CACNA1A: variants seen among roughly 807,000 people sequenced by gnomAD.
CACNA1A encodes the protein calcium voltage-gated channel subunit alpha1 A, also known as voltage-dependent P/Q-type calcium channel subunit alpha-1A.
Under a neutral mutation model 262.4 loss-of-function variants are expected in CACNA1A, and 57 were observed. The observed-to-expected ratio is 0.22, with a 90% CI of 0.18 to 0.27. The LOEUF (loss-of-function observed/expected upper bound fraction) is 0.27, where lower values mean the gene tolerates loss of function less well. Ranked by LOEUF, CACNA1A falls within the 10% of genes least tolerant of loss-of-function variation. The pLI is 1.00. For synonymous variants in CACNA1A, 1,431 were observed against 1,419.3 expected (o/e 1.01, Z -0.18); for missense variants, 2,526 against 3,562.8 (o/e 0.71, Z 7.41).
At chr19:13,470,493 A>G (rs1303070020) in intron 1 of CACNA1A, among the ~76,000 whole-genome samples, 1 of 151,836 alleles carries the variant, frequency 6.6e-6, no homozygotes. Context: ...TTTCTATCCA[A>G]TCTCTAAATG....
chr19:13,284,252 T>G (rs35810891), intron 21 of CACNA1A: 1 of 152,056 alleles, frequency 6.6e-6, no homozygotes, highest in Non-Finnish European at 1.5e-5. Context: ...TTAAAAAAAA[T>G]TTTAAGGCAC....
intron 3 of CACNA1A, among the ~76,000 whole-genome samples, chr19:13,410,722 A>C (rs557369017): frequency 6.6e-6 from 1 of 152,106 alleles, no homozygotes; most frequent in South Asian, 2.1e-4. Context: ...TCAGGTCACG[A>C]AAGATCTCCA....
intron 3 of CACNA1A, among the ~76,000 whole-genome samples, chr19:13,413,100 GTTTTTTTTTTTTGT>G (rs1568620448): frequency 8.7e-6 from 1 of 114,772 alleles, no homozygotes; most frequent in African/African-American, 5.9e-5. Flanking sequence ...AAAGTTTTTT[GTTTTTTTTTTTTGT>G]TTTTTTTTTA....
At chr19:13,228,081 T>C (rs886735060) in intron 36 of CACNA1A, among the ~76,000 whole-genome samples, 1 of 151,778 alleles carries the variant, frequency 6.6e-6, no homozygotes, top group African/African-American at 2.4e-5. Context: ...GCCTGGCTAA[T>C]TTTTTATAGA....
At chr19:13,482,737 C>T (rs1019791722) in intron 1 of CACNA1A, among the ~76,000 whole-genome samples, 3 of 152,076 alleles carry the variant, frequency 2.0e-5, no homozygotes, top group African/African-American at 7.2e-5. Context: ...TGGATGGGCT[C>T]ACTGGGCTCC....
chr19:13,223,775 C>G (rs2055328711), intron 38 of CACNA1A, among the ~76,000 whole-genome samples: 1 of 152,166 alleles, frequency 6.6e-6, no homozygotes, highest in South Asian at 2.1e-4. Flanking sequence ...ACTGCCTTAC[C>G]TCCTCAGTGG....
chr19:13,308,703 G>T lies in CACNA1A; in HGVS notation c.1669-175C>A. ...CCATTCATTTATCTATAGAGACCGGGTCTCACTGTGTCACCCAGGCTGGAG... is the reference window on the plus strand; with the variant it reads ...CCATTCATTTATCTATAGAGACCGGTTCTCACTGTGTCACCCAGGCTGGAG... On this transcript the variant is annotated intron_variant, in intron 12 of 46. Transcript: ENST00000360228. This position sits in a 1 kb window ranked among gnomAD's most constrained non-coding sequence, Gnocchi z 4.2. The T allele has an allele frequency of 1.9e-6, 1 of 531,794 alleles. No homozygotes were observed. Among genetic ancestry groups the T allele is most frequent in the South Asian group, 2.7e-5 (1 of 36,372 alleles). The allele number at this position is 531,794 out of a possible 1,614,324, so 32.9% of individuals were successfully genotyped here. A position where few individuals can be genotyped will look rare whatever the true frequency, so the allele number is the denominator to read the frequency against.
chr19:13,332,597 A>G (rs2058485738), intron 9 of CACNA1A, among the ~76,000 whole-genome samples: 1 of 152,114 alleles, frequency 6.6e-6, no homozygotes, highest in Admixed American at 6.5e-5. Context: ...CTGAGAAACA[A>G]TCTCGTGAGC....
chr19:13,242,269 A>G (rs907164161), intron 31 of CACNA1A, among the ~76,000 whole-genome samples: 1 of 152,154 alleles, frequency 6.6e-6, no homozygotes, highest in African/African-American at 2.4e-5. Flanking sequence ...TTCTGTGCCA[A>G]GCACTTCACG....
At chr19:13,434,935 G>A (rs758423371) in intron 3 of CACNA1A, among the ~76,000 whole-genome samples, 5 of 151,496 alleles carry the variant, frequency 3.3e-5, no homozygotes, top group Non-Finnish European at 5.9e-5. Flanking sequence ...GACCACAGGC[G>A]CGTGCCACCA....
At chr19:13,486,692 G>A (rs907698727) in intron 1 of CACNA1A, among the ~76,000 whole-genome samples, 2 of 151,638 alleles carry the variant, frequency 1.3e-5, no homozygotes, top group Non-Finnish European at 2.9e-5. Flanking sequence ...TCTTCTTTCT[G>A]TCTCTCTTTC....
At chr19:13,488,385 C>CTTTTTTT (rs1980296116) in intron 1 of CACNA1A, among the ~76,000 whole-genome samples, 1 of 110,254 alleles carries the variant, frequency 9.1e-6, no homozygotes, top group Non-Finnish European at 1.8e-5. Flanking sequence ...TTTCCTTTTT[C>CTTTTTTT]TTTTCTTTTT....
chr19:13,218,395 C>A (rs2055098601), intron 38 of CACNA1A, among the ~76,000 whole-genome samples: 1 of 152,076 alleles, frequency 6.6e-6, no homozygotes, highest in Non-Finnish European at 1.5e-5. Flanking sequence ...CAATAAAAAC[C>A]CTGGGGCACC....
intron 23 of CACNA1A, 109 bp from the exon 24 acceptor site, chr19:13,276,065 A>C: frequency 1.5e-6 from 1 of 673,420 alleles, no homozygotes; most frequent in East Asian, 2.7e-5. Flanking sequence ...CAATGAGGCC[A>C]CCTCATCTTG....
chr19:13,462,499 T>G (rs1028369931), intron 1 of CACNA1A, among the ~76,000 whole-genome samples: 6 of 152,212 alleles, frequency 3.9e-5, no homozygotes, highest in Non-Finnish European at 7.3e-5. Context: ...GATCAACTAT[T>G]ATGGGGCCAT....
At position 13,207,171 on chromosome 19, in the gene CACNA1A, G is replaced by A; in HGVS notation, c.*142C>T. 1.1e-6 allele frequency: 1 copy of A among 930,258 alleles called. No homozygotes were observed. 57.6% of individuals were successfully genotyped at this position (930,258 alleles called of 1,614,324 possible). A position where few individuals can be genotyped will look rare whatever the true frequency, so the allele number is the denominator to read the frequency against. ...CGGGACACCCTTGTGGCCCAGCCCTGGCCTCTCCAGAGTCTGGGGTCTCCC... is the reference window on the plus strand; with the variant it reads ...CGGGACACCCTTGTGGCCCAGCCCTAGCCTCTCCAGAGTCTGGGGTCTCCC... On this transcript the variant is annotated 3_prime_UTR_variant, in exon 47 of 47. Transcript: ENST00000360228. The surrounding 1 kb of genome is among the most constrained non-coding windows in gnomAD (Gnocchi z 5.7).
Position 13,429,216 on chromosome 19 carries a change from C to T in CACNA1A, c.539+23660G>A, listed in dbSNP as rs1343553666. 3.3e-5 allele frequency among the ~76,000 whole-genome samples: 5 copies of T among 151,320 alleles called. No homozygotes were observed. In the Admixed American group the frequency reaches 3.3e-4, roughly 10 times the overall value. On this transcript the variant is annotated intron_variant, in intron 3 of 46. Transcript: ENST00000360228. ...CACACACACACACACACCCCTCTTT[C>T]TCTCTCTTCTTGCAGCCTCTTCAGC...
At chr19:13,483,715 G>A (rs1231451496) in intron 1 of CACNA1A, among the ~76,000 whole-genome samples, 1 of 152,072 alleles carries the variant, frequency 6.6e-6, no homozygotes, top group African/African-American at 2.4e-5. Context: ...GAGGCCTAAT[G>A]GTGTTATCTG....
chr19:13,225,952 A>C, intron 37 of CACNA1A: 1 of 151,998 alleles, frequency 6.6e-6, no homozygotes. Flanking sequence ...TCAGCCTCCC[A>C]AAGCACTAGG....
Sources: allele counts gnomAD v4.1 joint callset (sites outside exome capture counted in the v4.1 genomes callset), GRCh38; gene constraint gnomAD v4.1.1; non-coding constraint Gnocchi (gnomAD v3.1); transcripts MANE v1.5; gene names NCBI Gene and HGNC (gene_info 2026-07-23, HGNC 2026-07-21).